ZBTB20: variants seen among roughly 807,000 people sequenced by gnomAD.
ZBTB20 encodes zinc finger and BTB domain-containing protein 20.
Under a neutral mutation model 56.9 loss-of-function variants are expected in ZBTB20, and 9 were observed. The ratio of observed to expected loss-of-function variants is 0.16; its 90% confidence interval spans 0.10 to 0.28. The LOEUF is 0.28. ZBTB20 is among the 10% of genes least tolerant of loss of function. The pLI is 1.00. For synonymous variants in ZBTB20, 417 were observed against 420.7 expected (o/e 0.99, Z 0.11); for missense variants, 655 against 1,003.0 (o/e 0.65, Z 4.69).
chr3:114,863,144 G>A (rs1278373270), intron 4 of ZBTB20, among the ~76,000 whole-genome samples: 2 of 152,010 alleles, frequency 1.3e-5, no homozygotes, highest in African/African-American at 4.8e-5. Context: ...GTTTTCTTCT[G>A]AGTAGCCAGG....
chr3:114,710,044 T>A (rs1303674063), intron 5 of ZBTB20, among the ~76,000 whole-genome samples: 2 of 152,174 alleles, frequency 1.3e-5, no homozygotes, highest in Non-Finnish European at 2.9e-5. Context: ...AACTACAGAA[T>A]CTGTGTCTTC....
At chr3:115,049,078 C>T (rs1016182356) in intron 2 of ZBTB20, among the ~76,000 whole-genome samples, 3 of 152,020 alleles carry the variant, frequency 2.0e-5, no homozygotes, top group African/African-American at 7.3e-5. Flanking sequence ...ACCCTTAATA[C>T]TTGTAACTGG....
chr3:114,753,413 G>GTATATA (rs67371620), intron 5 of ZBTB20, among the ~76,000 whole-genome samples: 1,077 of 47,594 alleles, frequency 0.023, 365 homozygotes, highest in Middle Eastern at 0.067. Context: ...ATACACACAC[G>GTATATA]TATATATATA....
intron 2 of ZBTB20, among the ~76,000 whole-genome samples, chr3:114,978,667 G>GGTGTGT (rs3086036): frequency 6.7e-6 from 1 of 149,516 alleles, no homozygotes; most frequent in Admixed American, 6.7e-5. Context: ...GTATGTACCA[G>GGTGTGT]GTGTGTGTGT....
At position 114,455,140 on chromosome 3, in the gene ZBTB20, A is replaced by AGAGAGAGAGAAAAGGAGAAG. The variant is rs1356615625; in HGVS notation, c.-255+45192_-255+45211dup. Among the ~76,000 whole-genome samples the AGAGAGAGAGAAAAGGAGAAG allele has an allele frequency of 9.1e-4, 138 of 151,226 alleles. 2 individuals are homozygous for AGAGAGAGAGAAAAGGAGAAG. The highest frequency in any genetic ancestry group is 3.5e-4 in the Non-Finnish European group (24 of 67,722). ...AAAAAGACTGATTGGAACAGGAGGG[A>AGAGAGAGAGAAAAGGAGAAG]GAGAGAGAGAAAAGGAGAAGGAGAG... On this transcript the variant is annotated intron_variant, in intron 7 of 11. Coordinates refer to ENST00000675478, the MANE Select transcript of ZBTB20 (RefSeq NM_001348800.3).
chr3:115,084,747 T>C (rs2082924366), intron 1 of ZBTB20, among the ~76,000 whole-genome samples: 1 of 151,946 alleles, frequency 6.6e-6, no homozygotes, highest in South Asian at 2.1e-4. Flanking sequence ...AAGAATCCAC[T>C]GACATATGAC....
At chr3:114,445,612 G>A (rs886437269) in intron 7 of ZBTB20, 5 of 152,068 alleles carry the variant, frequency 3.3e-5, no homozygotes, top group South Asian at 2.1e-4. Context: ...TTATCTGATC[G>A]ATAAATATAT....
rs1355307580 is a variant in ZBTB20, at chr3:114,315,420, C to T, written c.*23585G>A. 1.3e-5 allele frequency: 2 copies of T among 152,132 alleles called. No individual in the cohort carries two copies. Among genetic ancestry groups the T allele is most frequent in the African/African-American group, 2.4e-5 (1 of 41,432 alleles). 9.4% of individuals were successfully genotyped at this position (152,132 alleles called of 1,614,324 possible). On this transcript the variant is annotated 3_prime_UTR_variant, in exon 12 of 12. Transcript: ENST00000675478. ...CTCATAATTCACTGGGAAATGGAAA[C>T]TGCATAAACAGTGACACACAGACAC...
intron 2 of ZBTB20, among the ~76,000 whole-genome samples, chr3:115,054,563 T>C (rs1308931804): frequency 6.6e-6 from 1 of 152,118 alleles, no homozygotes; most frequent in Non-Finnish European, 1.5e-5. Context: ...TTTGAGTCTC[T>C]CTAGGCTAAG....
At chr3:115,093,056 C>T (rs2083256685) in intron 1 of ZBTB20, among the ~76,000 whole-genome samples, 1 of 152,114 alleles carries the variant, frequency 6.6e-6, no homozygotes, top group Admixed American at 6.6e-5. Flanking sequence ...CCTCATTTTA[C>T]AGGAAGGAAA....
chr3:115,076,636 A>C (rs1560551598), intron 1 of ZBTB20, among the ~76,000 whole-genome samples: 1 of 152,232 alleles, frequency 6.6e-6, no homozygotes, highest in Non-Finnish European at 1.5e-5. Flanking sequence ...TCATCATAGT[A>C]ATAATTTCAT....
chr3:115,014,770 TC>T (rs1417559243), intron 2 of ZBTB20, among the ~76,000 whole-genome samples: 6 of 151,726 alleles, frequency 4.0e-5, no homozygotes, highest in Non-Finnish European at 7.4e-5. Context: ...ATTATCGGTG[TC>T]TTTTTTGTTT....
At chr3:114,656,194 C>CT (rs2060398432) in intron 6 of ZBTB20, among the ~76,000 whole-genome samples, 1 of 152,276 alleles carries the variant, frequency 6.6e-6, no homozygotes, top group African/African-American at 2.4e-5. Context: ...TGTTTCCACC[C>CT]TTAGGGCTGC....
chr3:114,638,888 G>T (rs913955340), intron 6 of ZBTB20, among the ~76,000 whole-genome samples: 4 of 152,018 alleles, frequency 2.6e-5, no homozygotes, highest in Non-Finnish European at 4.4e-5. Flanking sequence ...TTAAAGGAGA[G>T]ATGATATAAA....
chr3:114,625,502 T>C (rs1311984112), intron 6 of ZBTB20, among the ~76,000 whole-genome samples: 1 of 152,176 alleles, frequency 6.6e-6, no homozygotes, highest in Non-Finnish European at 1.5e-5. Context: ...TCATATTTCA[T>C]AAAATAATAT....
chr3:114,492,732 A>T (rs2109531333), intron 7 of ZBTB20, among the ~76,000 whole-genome samples: 1 of 152,330 alleles, frequency 6.6e-6, no homozygotes, highest in East Asian at 1.9e-4. Flanking sequence ...ATTAACGTGC[A>T]GTTGTAAGAG....
chr3:114,389,732 CA>C (rs34167333), intron 7 of ZBTB20, among the ~76,000 whole-genome samples: 148,931 of 151,312 alleles, frequency 0.98, 73,344 homozygotes, highest in East Asian at 1. Flanking sequence ...TACTAAAATG[CA>C]AAAAAATTAG....
intron 7 of ZBTB20, among the ~76,000 whole-genome samples, chr3:114,469,040 GT>G (rs933555516): frequency 4.5e-5 from 6 of 134,314 alleles, no homozygotes; most frequent in Admixed American, 3.0e-4. Context: ...AAAAAATCTA[GT>G]TTTTTTTTGG....
intron 4 of ZBTB20, among the ~76,000 whole-genome samples, chr3:114,881,343 T>G (rs1489978331): frequency 6.6e-6 from 1 of 152,066 alleles, no homozygotes; most frequent in Non-Finnish European, 1.5e-5. Flanking sequence ...CTTTTCAAGG[T>G]ACAAATAAAT....
Sources: allele counts gnomAD v4.1 joint callset (sites outside exome capture counted in the v4.1 genomes callset), GRCh38; gene constraint gnomAD v4.1.1; transcripts MANE v1.5; gene names NCBI Gene and HGNC (gene_info 2026-07-23, HGNC 2026-07-21).